Variants in OR6K3 observed in about 807,000 individuals in gnomAD.
OR6K3 encodes olfactory receptor family 6 subfamily K member 3, also known as olfactory receptor 6K3.
For synonymous variants in OR6K3, 169 were observed against 137.7 expected, an observed-to-expected ratio of 1.23 and a Z score of -1.59; for missense variants, 396 against 382.5, an observed-to-expected ratio of 1.04 and a Z score of -0.29.
Position 158,717,493 on chromosome 1 carries a change from A to G in OR6K3, c.623T>C (p.Ile208Thr). ...GGACAGGGCAATGATTAGGAAGGTA[A>G]TGATGATGGTCACAGCATGAATCAC... Reference protein sequence around the residue: ...EDVIHAVTIIITFLIIALSYV... With the variant: ...EDVIHAVTIITTFLIIALSYV... Residue 208 changes from isoleucine to threonine, a missense_variant, in exon 2 of 2, where the codon ATT becomes ACT. Coordinates refer to ENST00000368145, the MANE Select transcript of OR6K3 (RefSeq NM_001005327.3). 1 of 1,613,748 alleles carries G rather than the reference A, an allele frequency of 6.2e-7. No homozygotes were observed. Among genetic ancestry groups the G allele is most frequent in the Non-Finnish European group, 8.5e-7 (1 of 1,179,766 alleles).
chr1:158,722,282 T>A (rs1021675743), upstream of OR6K3, among the ~76,000 whole-genome samples: 1 of 152,030 alleles, frequency 6.6e-6, no homozygotes, highest in South Asian at 2.1e-4. Context: ...ACAGCAAATA[T>A]GGAAATATCT....
upstream of OR6K3, among the ~76,000 whole-genome samples, chr1:158,721,929 C>A (rs1173632592): frequency 6.6e-6 from 1 of 151,698 alleles, no homozygotes; most frequent in Non-Finnish European, 1.5e-5. Flanking sequence ...TTTTATTTCT[C>A]AACTTTTTTT....
In OR6K3 at chr1:158,717,475, G is replaced by A. The variant is rs775479737; in HGVS notation, c.641C>T (p.Ala214Val). The change falls in exon 2 of 2, where the codon GCC becomes GTC. Residue 214 changes from alanine (A) to valine (V), a missense_variant. Transcript: ENST00000368145. ...VTIIITFLII[A>V]LSYVRIVTVI... ...AGTGACAATTCTTACATAGGACAGG[G>A]CAATGATTAGGAAGGTAATGATGAT... 6.2e-7 allele frequency: 1 copy of A among 1,613,706 alleles called. No individual in the cohort carries two copies. Among genetic ancestry groups the A allele is most frequent in the Non-Finnish European group, 8.5e-7 (1 of 1,179,770 alleles).
intron 1 of OR6K3, among the ~76,000 whole-genome samples, chr1:158,718,640 CAG>C (rs768102544): frequency 2.0e-5 from 3 of 149,840 alleles, no homozygotes; most frequent in Non-Finnish European, 3.0e-5. Context: ...ATAAACATAA[CAG>C]AAGTTATATT....
Position 158,716,687 on chromosome 1 carries a change from A to G in OR6K3, c.*481T>C, listed in dbSNP as rs1253202302. The G allele has an allele frequency of 6.5e-6, 1 of 154,262 alleles. No homozygotes were observed. The highest frequency in any genetic ancestry group is 1.4e-5 in the Non-Finnish European group (1 of 69,392). The allele number at this position is 154,262 out of a possible 1,614,324, so 9.6% of individuals were successfully genotyped here. ...AAGGTTCCTCATGATATGCACAGCA[A>G]CTTTTATAACGATGACACAGAGAGT... On this transcript the variant is annotated 3_prime_UTR_variant, in exon 2 of 2. Transcript: ENST00000368145.
chr1:158,717,146 G>T lies in OR6K3; in HGVS notation c.*22C>A. ...AAAACAAAACAAAACAAAAGCAACG[G>T]AAGGGAACCTGTGGCTCTGTATTAA... On this transcript the variant is annotated 3_prime_UTR_variant, in exon 2 of 2. Coordinates refer to ENST00000368145, the MANE Select transcript of OR6K3 (RefSeq NM_001005327.3). 6.6e-7 allele frequency: 1 copy of T among 1,510,568 alleles called. No homozygotes were observed. Among genetic ancestry groups the T allele is most frequent in the Non-Finnish European group, 9.1e-7 (1 of 1,103,148 alleles). 93.6% of individuals were successfully genotyped at this position (1,510,568 alleles called of 1,614,324 possible).
Position 158,717,873 on chromosome 1 carries a change from C to T in OR6K3, c.243G>A (p.Met81Ile). ...IWYTTATIPK[M>I]LSNLISEKKA... ...TCTTTTCACTGATGAGGTTGGAGAG[C>T]ATCTTGGGAATGGTGGCTGTGGTGT... The change falls in exon 2 of 2, where the codon ATG (methionine) becomes ATA (isoleucine). Residue 81 changes from methionine (M) to isoleucine (I), a missense_variant. By Grantham distance (10) the Met-to-Ile change is conservative. Coordinates refer to ENST00000368145, the MANE Select transcript of OR6K3 (RefSeq NM_001005327.3). 6.2e-7 allele frequency: 1 copy of T among 1,613,598 alleles called. No homozygotes were observed. The highest frequency in any genetic ancestry group is 8.5e-7 in the Non-Finnish European group (1 of 1,179,702).
Position 158,717,343 on chromosome 1 carries a change from T to C in OR6K3, c.773A>G (p.Tyr258Cys). ...PIFFGSVSLM[Y>C]LRFSDTYPPV... ...TGGATAAGTGTCGCTGAAACGCAAG[T>C]ACATGAGTGATACACTGCCAAAGAA... The change falls in exon 2 of 2, where the codon TAC (tyrosine) becomes TGC (cysteine). Residue 258 changes from tyrosine (Y) to cysteine (C), a missense_variant. Coordinates refer to ENST00000368145, the MANE Select transcript of OR6K3 (RefSeq NM_001005327.3). The C allele has an allele frequency of 6.2e-7, 1 of 1,613,710 alleles. No homozygotes were observed. The highest frequency in any genetic ancestry group is 1.3e-5 in the African/African-American group (1 of 74,994).
rs1558014772 is a variant in OR6K3 at position 158,717,789 on chromosome 1, G to A, written c.327C>T (p.Asn109=). ...LQMYFFHSLE[N]SEGILLTTMA... Reference sequence around the variant, plus strand: ...TGGTGGTCAGCAAGATCCCCTCTGAGTTTTCAAGTGAGTGGAAGAAATACA... The same window carrying A: ...TGGTGGTCAGCAAGATCCCCTCTGAATTTTCAAGTGAGTGGAAGAAATACA... Residue 109 remains asparagine, a synonymous_variant, in exon 2 of 2, where the codon AAC becomes AAT. Coordinates refer to ENST00000368145, the MANE Select transcript of OR6K3 (RefSeq NM_001005327.3). 5 of 1,613,750 alleles carry A rather than the reference G, an allele frequency of 3.1e-6. No homozygotes were observed. In the African/African-American group the frequency reaches 4.0e-5, roughly 13 times the overall value.
rs767879503 is a variant in OR6K3 at position 158,717,600 on chromosome 1, G to A, written c.516C>T (p.Asn172=). The change falls in exon 2 of 2, where the codon AAC becomes AAT. Residue 172 remains asparagine, a synonymous_variant. Transcript: ENST00000368145. ...MISTLPFCGP[N]QIHQIFCDLV... ...AGTCACAGAAGATCTGATGGATTTGGTTGGGCCCACAGAAAGGCAGTGTGG... is the reference window on the plus strand; with the variant it reads ...AGTCACAGAAGATCTGATGGATTTGATTGGGCCCACAGAAAGGCAGTGTGG... 5.6e-6 allele frequency: 9 copies of A among 1,613,700 alleles called. No homozygotes were observed. Among genetic ancestry groups the A allele is most frequent in the Non-Finnish European group, 7.6e-6 (9 of 1,179,842 alleles).
chr1:158,721,800 A>G (rs552250831), upstream of OR6K3, among the ~76,000 whole-genome samples: 1 of 151,926 alleles, frequency 6.6e-6, no homozygotes, highest in Middle Eastern at 3.4e-3. Flanking sequence ...TTGGCTCTTC[A>G]TGTGGCTTCT....
chr1:158,717,920 A>C lies in OR6K3; in HGVS notation c.196T>G (p.Phe66Val). Residue 66 changes from phenylalanine (F) to valine (V), a missense_variant, in exon 2 of 2, where the codon TTT becomes GTT. Physicochemically the swap from Phe to Val is conservative, Grantham distance 50. Transcript: ENST00000368145. Reference protein sequence around the residue: ...HNPMYNFISIFSFLEIWYTTA... With the variant: ...HNPMYNFISIVSFLEIWYTTA... ...GTGTACCAGATCTCCAGAAAGGAAA[A>C]TATACTGATAAAATTATACATGGGG... 1 of 1,613,764 alleles carries C rather than the reference A, an allele frequency of 6.2e-7. No individual in the cohort carries two copies. Among genetic ancestry groups the C allele is most frequent in the Non-Finnish European group, 8.5e-7 (1 of 1,179,802 alleles).
At chr1:158,722,224 G>A (rs906448246), upstream of OR6K3, among the ~76,000 whole-genome samples, 1 of 151,964 alleles carries the variant, frequency 6.6e-6, no homozygotes, top group African/African-American at 2.4e-5. Flanking sequence ...GAGAAGGAGA[G>A]AATATATTTG....
rs568278074 is a variant in OR6K3, at chr1:158,717,501, G to A, written c.615C>T (p.Thr205=). Residue 205 remains threonine, a synonymous_variant, in exon 2 of 2, where the codon ACC becomes ACT. Coordinates refer to ENST00000368145, the MANE Select transcript of OR6K3 (RefSeq NM_001005327.3). ...CAATGATTAGGAAGGTAATGATGAT[G>A]GTCACAGCATGAATCACATCCTCAA... ...ILIEDVIHAV[T]IIITFLIIAL... is the part of the protein sequence containing the mutation. 1.4e-5 allele frequency: 23 copies of A among 1,613,556 alleles called. No individual in the cohort carries two copies. The highest frequency in any genetic ancestry group is 1.8e-5 in the Non-Finnish European group (21 of 1,179,750).
chr1:158,719,898 C>G (rs1656250286), intron 1 of OR6K3, among the ~76,000 whole-genome samples: 1 of 152,022 alleles, frequency 6.6e-6, no homozygotes, highest in African/African-American at 2.4e-5. Context: ...ACCTCATGCT[C>G]TTAATGCTCT....
intron 1 of OR6K3, among the ~76,000 whole-genome samples, chr1:158,719,746 CTG>C (rs1424357045): frequency 6.6e-6 from 1 of 151,990 alleles, no homozygotes; most frequent in African/African-American, 2.4e-5. Context: ...ATTTGTAAAA[CTG>C]AGAAAATATT....
chr1:158,723,227 GTCTATCTA>G (rs58740771), upstream of OR6K3, among the ~76,000 whole-genome samples: 1,741 of 150,322 alleles, frequency 0.012, 13 homozygotes, highest in Non-Finnish European at 0.019. Context: ...TTACCTATCT[GTCTATCTA>G]TCTATCTATC....
chr1:158,721,167 C>A (rs1656275646), upstream of OR6K3, among the ~76,000 whole-genome samples: 2 of 151,916 alleles, frequency 1.3e-5, no homozygotes, highest in African/African-American at 4.8e-5. Context: ...AAAATAAGGC[C>A]ATTTCATAAT....
rs372935748 is a variant in OR6K3 at position 158,718,189 on chromosome 1, A to C, written c.-17-57T>G. The C allele has an allele frequency of 2.6e-5, 23 of 890,734 alleles. No homozygotes were observed. In the African/African-American group the frequency reaches 3.5e-4, roughly 14 times the overall value. 55.2% of individuals were successfully genotyped at this position (890,734 alleles called of 1,614,324 possible). ...GAGAGGGTAGAGAAAAAAATAAATA[A>C]GATGTACAGCTAAACATCTTTGAGA... On this transcript the variant is annotated intron_variant, in intron 1 of 1. Transcript: ENST00000368145.
Sources: gnomAD v4.1 joint callset for allele counts (sites outside exome capture counted in the v4.1 genomes callset) on GRCh38, gnomAD v4.1.1 for gene constraint, MANE v1.5 for transcripts, NCBI Gene and HGNC (gene_info 2026-07-23, HGNC 2026-07-21) for gene names.